Variants in TRAPPC11 observed in about 807,000 individuals in gnomAD.
TRAPPC11 encodes trafficking protein particle complex subunit 11.
A neutral mutation model predicts 151.2 loss-of-function variants in TRAPPC11; 104 were observed. That is an observed-to-expected ratio of 0.69 (90% CI 0.59 to 0.81). The LOEUF is 0.81. Ranked by LOEUF, TRAPPC11 falls within the 30% of genes least tolerant of loss-of-function variation. TRAPPC11 has a pLI of 0.00. For missense variants in TRAPPC11, 1,230 were observed against 1,349.6 expected, an observed-to-expected ratio of 0.91 and a Z score of 1.39; for synonymous variants, 456 against 472.3, an observed-to-expected ratio of 0.97 and a Z score of 0.45.
At chr4:183,696,698 C>A (rs543652178) in intron 23 of TRAPPC11, among the ~76,000 whole-genome samples, 1 of 152,146 alleles carries the variant, frequency 6.6e-6, no homozygotes, top group South Asian at 2.1e-4. Context: ...CCCACCCCCC[C>A]ATTGTTTTTC....
intron 29 of TRAPPC11, among the ~76,000 whole-genome samples, chr4:183,710,193 A>G (rs1367887127): frequency 6.6e-6 from 1 of 152,156 alleles, no homozygotes; most frequent in Non-Finnish European, 1.5e-5. Flanking sequence ...CCCAAACCTA[A>G]TCCCAGCTAA....
At chr4:183,690,593 G>C (rs1736211960) in intron 18 of TRAPPC11, among the ~76,000 whole-genome samples, 1 of 152,154 alleles carries the variant, frequency 6.6e-6, no homozygotes, top group Non-Finnish European at 1.5e-5. Flanking sequence ...AGAGATACTA[G>C]CAACAATGGT....
At chr4:183,674,086 T>G (rs1735289281) in intron 5 of TRAPPC11, among the ~76,000 whole-genome samples, 1 of 152,058 alleles carries the variant, frequency 6.6e-6, no homozygotes, top group Admixed American at 6.6e-5. Context: ...TATAAAATAG[T>G]AGGGGCGAAT....
intron 1 of TRAPPC11, among the ~76,000 whole-genome samples, chr4:183,662,660 T>G (rs1306537455): frequency 6.6e-6 from 1 of 152,198 alleles, no homozygotes; most frequent in East Asian, 1.9e-4. Flanking sequence ...AAGGCTATTT[T>G]AATAATATCC....
At chr4:183,709,170 C>T (rs891391655) in intron 29 of TRAPPC11, among the ~76,000 whole-genome samples, 1 of 152,176 alleles carries the variant, frequency 6.6e-6, no homozygotes. Flanking sequence ...TGGTGTCCCT[C>T]TAACATACAT....
rs527675295 is a variant in TRAPPC11 at position 183,671,051 on chromosome 4, A to C, written c.560+2934A>C. Among the ~76,000 whole-genome samples the C allele has an allele frequency of 1.1e-4, 16 of 152,178 alleles. No individual in the cohort carries two copies. The South Asian group carries it at 3.3e-3, about 32-fold the overall frequency. ...GGCCTAATATTTGTATTTTTAGTAGAGTCAGGGTTTTACCACATTGGCCAG... is the reference window on the plus strand; with the variant it reads ...GGCCTAATATTTGTATTTTTAGTAGCGTCAGGGTTTTACCACATTGGCCAG... On this transcript the variant is annotated intron_variant, in intron 5 of 29. Transcript: ENST00000334690.
intron 5 of TRAPPC11, among the ~76,000 whole-genome samples, chr4:183,670,866 AC>A (rs1367687989): frequency 2.6e-5 from 4 of 151,998 alleles, no homozygotes; most frequent in African/African-American, 9.7e-5. Context: ...GCTCACTGCA[AC>A]CTCTGCCCCC....
chr4:183,696,340 A>G (rs990457121), intron 23 of TRAPPC11, among the ~76,000 whole-genome samples: 2 of 152,000 alleles, frequency 1.3e-5, no homozygotes, highest in African/African-American at 4.8e-5. Context: ...TCTTACCAAG[A>G]GGTTGTGTTA....
chr4:183,663,817 A>C, intron 1 of TRAPPC11, 30 bp from the exon 2 acceptor site: 1 of 1,392,178 alleles, frequency 7.2e-7, no homozygotes, highest in Non-Finnish European at 1.0e-6. Flanking sequence ...TTAAAAATTA[A>C]TTATGAATGT....
chr4:183,665,346 G>A (rs1483615594), intron 2 of TRAPPC11, among the ~76,000 whole-genome samples: 8 of 151,968 alleles, frequency 5.3e-5, no homozygotes, highest in African/African-American at 1.4e-4. Context: ...TGCCCACCTT[G>A]GCCTCCCAAA....
chr4:183,694,687 C>G lies in TRAPPC11; in HGVS notation c.2592C>G (p.Thr864=). 6.2e-7 allele frequency: 1 copy of G among 1,607,290 alleles called. No homozygotes were observed. The highest frequency in any genetic ancestry group is 8.5e-7 in the Non-Finnish European group (1 of 1,178,314). The change falls in exon 23 of 30, where the codon ACC becomes ACG. Residue 864 remains threonine (T), a synonymous_variant. Transcript: ENST00000334690. ...ATGTTTCTTACCTGATAAATACAAC[C>G]GTTGAAGAAAAAGAAATTGTTTGCA... The part of the protein sequence containing the change: ...LVYVSYLINT[T]VEEKEIVCKC...
chr4:183,673,108 GC>G (rs1337342573), intron 5 of TRAPPC11, among the ~76,000 whole-genome samples: 2 of 151,690 alleles, frequency 1.3e-5, no homozygotes, highest in Non-Finnish European at 2.9e-5. Context: ...GACTACAGGT[GC>G]CCACCACCAC....
intron 25 of TRAPPC11, among the ~76,000 whole-genome samples, chr4:183,698,295 AC>A (rs1736644529): frequency 6.6e-6 from 1 of 152,292 alleles, no homozygotes; most frequent in African/African-American, 2.4e-5. Context: ...CCAGGACAAC[AC>A]CTTTCTGGTT....
intron 2 of TRAPPC11, among the ~76,000 whole-genome samples, chr4:183,665,196 G>GAC (rs1734795098): frequency 6.9e-6 from 1 of 145,242 alleles, no homozygotes; most frequent in South Asian, 2.1e-4. Context: ...CTGGGTTCGT[G>GAC]CCATTCTCCT....
intron 5 of TRAPPC11, among the ~76,000 whole-genome samples, chr4:183,668,548 T>G (rs896373362): frequency 1.6e-5 from 2 of 125,260 alleles, no homozygotes; most frequent in Non-Finnish European, 3.7e-5. Context: ...TTCCAGTAAT[T>G]ACCCATGTCC....
rs762569889 is a variant in TRAPPC11 at position 183,701,781 on chromosome 4, C to G, written c.2936C>G (p.Thr979Ser). 1 of 1,613,370 alleles carries G rather than the reference C, an allele frequency of 6.2e-7. No individual in the cohort carries two copies. The highest frequency in any genetic ancestry group is 8.5e-7 in the Non-Finnish European group (1 of 1,179,360). The part of the protein sequence containing the change: ...SLGNIEGGVA[T>S]GHYIISWKRT... ...GGAAATATTGAAGGTGGAGTAGCAA[C>G]CGGGCATTATATTATCTCTTGGAAA... The change falls in exon 26 of 30, where the codon ACC (threonine) becomes AGC (serine). Residue 979 changes from threonine to serine, a missense_variant. Thr to Ser is a moderately conservative substitution (Grantham distance 58, BLOSUM62 1). Transcript: ENST00000334690.
At chr4:183,661,420 G>A in intron 1 of TRAPPC11, among the ~76,000 whole-genome samples, 1 of 131,820 alleles carries the variant, frequency 7.6e-6, no homozygotes, top group South Asian at 2.4e-4. Context: ...CGCCCAGGCT[G>A]GAGTGCAGTG....
At position 183,713,395 on chromosome 4, in the gene TRAPPC11, A is replaced by G. The variant is rs543019281; in HGVS notation, c.*751A>G. On this transcript the variant is annotated 3_prime_UTR_variant, in exon 30 of 30. Transcript: ENST00000334690. ...AGGGTCTGAGTCAGGCCTTCTGGTT[A>G]TATTGTGCAGTTTCAAAAGAACTAT... 1.3e-5 allele frequency: 2 copies of G among 152,762 alleles called. No individual in the cohort carries two copies. Among genetic ancestry groups the G allele is most frequent in the East Asian group, 1.9e-4 (1 of 5,188 alleles). The allele number at this position is 152,762 out of a possible 1,614,324, so 9.5% of individuals were successfully genotyped here.
chr4:183,659,758 C>A (rs552767388), intron 1 of TRAPPC11, among the ~76,000 whole-genome samples: 3 of 152,294 alleles, frequency 2.0e-5, no homozygotes, highest in Admixed American at 2.0e-4. Flanking sequence ...TGGATTGTTG[C>A]TTCTCATCTT....
Sources: allele counts gnomAD v4.1 joint callset (sites outside exome capture counted in the v4.1 genomes callset), GRCh38; gene constraint gnomAD v4.1.1; transcripts MANE v1.5; gene names NCBI Gene and HGNC (gene_info 2026-07-23, HGNC 2026-07-21).